The following CNTN6 variants were observed in gnomAD, a reference collection of about 807,000 sequenced individuals.
CNTN6 encodes the protein contactin 6.
In CNTN6, 137 loss-of-function variants were observed where a neutral mutation model predicts 122.8. The observed-to-expected ratio is 1.12, with a 90% CI of 0.97 to 1.29. CNTN6 has a LOEUF of 1.29. CNTN6 is among the 50% of genes most tolerant of loss of function. The pLI, the probability that CNTN6 is intolerant of heterozygous loss-of-function variation, is 0.00. For synonymous variants in CNTN6, 570 were observed against 426.0 expected (o/e 1.34, Z -4.16); for missense variants, 1,634 against 1,223.4 (o/e 1.34, Z -5.01).
intron 2 of CNTN6, among the ~76,000 whole-genome samples, chr3:1,178,387 C>T (rs2093491209): frequency 6.6e-6 from 1 of 152,156 alleles, no homozygotes; most frequent in African/African-American, 2.4e-5. Flanking sequence ...AAGGTTTCTT[C>T]ATCACTGCTA....
At chr3:1,187,106 TTTG>T (rs975331040) in intron 2 of CNTN6, among the ~76,000 whole-genome samples, 17 of 152,240 alleles carry the variant, frequency 1.1e-4, no homozygotes, top group African/African-American at 2.9e-4. Flanking sequence ...GCGAAAAGCC[TTTG>T]TTGTTGTTGT....
chr3:1,325,802 C>A lies in CNTN6; in HGVS notation c.947-13C>A, dbSNP rs1559828975. 6.2e-7 allele frequency: 1 copy of A among 1,608,304 alleles called. No homozygotes were observed. Among genetic ancestry groups the A allele is most frequent in the South Asian group, 1.1e-5 (1 of 90,474 alleles). ...CCTTTTACCAAACAGTGGCACTTGC[C>A]TTTTTGAAACAGCTCCTCCAGAATG... On this transcript the variant is annotated splice_polypyrimidine_tract_variant and intron_variant, in intron 8 of 22. Coordinates refer to ENST00000446702, the MANE Select transcript of CNTN6 (RefSeq NM_001289080.2).
At chr3:1,182,711 T>C (rs940156470) in intron 2 of CNTN6, among the ~76,000 whole-genome samples, 3 of 152,108 alleles carry the variant, frequency 2.0e-5, no homozygotes, top group Admixed American at 1.3e-4. Flanking sequence ...AGAAAATTGA[T>C]GAAACATGCC....
At chr3:1,367,351 C>G (rs1167932458) in intron 12 of CNTN6, among the ~76,000 whole-genome samples, 1 of 151,736 alleles carries the variant, frequency 6.6e-6, no homozygotes, top group Non-Finnish European at 1.5e-5. Context: ...CTACTCTTTA[C>G]TATGCTACTC....
intron 1 of CNTN6, among the ~76,000 whole-genome samples, chr3:1,131,249 G>C (rs1159530687): frequency 6.6e-6 from 1 of 152,070 alleles, no homozygotes; most frequent in Non-Finnish European, 1.5e-5. Context: ...TAAGTAGGGT[G>C]TTAATTATCC....
chr3:1,242,538 G>A (rs1257800549), intron 4 of CNTN6, among the ~76,000 whole-genome samples: 1 of 152,218 alleles, frequency 6.6e-6, no homozygotes, highest in Non-Finnish European at 1.5e-5. Context: ...AAAGCGTGCT[G>A]TGGGATGGGA....
chr3:1,174,359 G>C (rs115963847), intron 2 of CNTN6, among the ~76,000 whole-genome samples: 5 of 152,132 alleles, frequency 3.3e-5, no homozygotes, highest in Non-Finnish European at 1.5e-5. Context: ...GAGAGGTCAC[G>C]TTAAGAGTTA....
intron 2 of CNTN6, among the ~76,000 whole-genome samples, chr3:1,183,840 G>C (rs1288699285): frequency 6.6e-6 from 1 of 152,146 alleles, no homozygotes; most frequent in Middle Eastern, 3.2e-3. Context: ...TCATCCGAAA[G>C]CTACAACCAA....
intron 1 of CNTN6, among the ~76,000 whole-genome samples, chr3:1,105,824 G>A (rs1346100029): frequency 6.6e-6 from 1 of 152,118 alleles, no homozygotes; most frequent in Non-Finnish European, 1.5e-5. Flanking sequence ...CTTAATGAAT[G>A]TAGATTCTAA....
intron 4 of CNTN6, among the ~76,000 whole-genome samples, chr3:1,266,047 G>T (rs1458986740): frequency 1.3e-5 from 2 of 150,780 alleles, no homozygotes; most frequent in Admixed American, 1.3e-4. Flanking sequence ...ACACCTAAGT[G>T]CGTCACCCAT....
intron 17 of CNTN6, among the ~76,000 whole-genome samples, chr3:1,382,739 T>TTAAC (rs1447718573): frequency 2.6e-5 from 4 of 152,192 alleles, no homozygotes; most frequent in African/African-American, 9.6e-5. Context: ...ATCTGAAAAC[T>TTAAC]TAAACTATTT....
At chr3:1,242,982 C>T (rs1168168108) in intron 4 of CNTN6, among the ~76,000 whole-genome samples, 5 of 152,076 alleles carry the variant, frequency 3.3e-5, no homozygotes, top group African/African-American at 9.7e-5. Context: ...AAGAAGGGGA[C>T]GGACTTACCT....
In CNTN6 at chr3:1,383,284, G is replaced by A. The variant is rs376229095; in HGVS notation, c.2402-9G>A. On this transcript the variant is annotated splice_polypyrimidine_tract_variant and intron_variant, in intron 18 of 22. Coordinates refer to ENST00000446702, the MANE Select transcript of CNTN6 (RefSeq NM_001289080.2). ...GCTAAAGATGGTTATGTCTTTCTCT[G>A]GATGGTAGAACCTCAACTGGCCCCA... The A allele has an allele frequency of 1.5e-5, 24 of 1,610,778 alleles. No homozygotes were observed. Among genetic ancestry groups the A allele is most frequent in the African/African-American group, 2.7e-5 (2 of 74,956 alleles).
chr3:1,129,769 G>A (rs1283870814), intron 1 of CNTN6, among the ~76,000 whole-genome samples: 2 of 152,000 alleles, frequency 1.3e-5, no homozygotes, highest in Non-Finnish European at 2.9e-5. Context: ...AAATGTATGT[G>A]ACTTCTACAT....
intron 12 of CNTN6, among the ~76,000 whole-genome samples, chr3:1,356,067 A>T (rs1030757622): frequency 2.6e-5 from 4 of 151,816 alleles, no homozygotes; most frequent in African/African-American, 9.7e-5. Context: ...AGGAATCAAG[A>T]GGAAAGAGAG....
intron 19 of CNTN6, among the ~76,000 whole-genome samples, chr3:1,384,786 T>TACACACACACAC (rs1559990329): frequency 1.5e-4 from 21 of 141,370 alleles, no homozygotes; most frequent in African/African-American, 5.6e-4. Flanking sequence ...TATATATATA[T>TACACACACACAC]ATATATATAT....
At chr3:1,347,381 T>G (rs1274611504) in intron 11 of CNTN6, among the ~76,000 whole-genome samples, 2 of 152,158 alleles carry the variant, frequency 1.3e-5, no homozygotes, top group African/African-American at 4.8e-5. Flanking sequence ...TGTGAACAGT[T>G]AAAATATTCT....
intron 4 of CNTN6, among the ~76,000 whole-genome samples, chr3:1,259,574 A>C (rs1377189230): frequency 6.6e-6 from 1 of 152,076 alleles, no homozygotes; most frequent in African/African-American, 2.4e-5. Context: ...AACACAAAGG[A>C]CTAAATACAA....
chr3:1,284,040 C>T (rs547383170), intron 5 of CNTN6, among the ~76,000 whole-genome samples: 30 of 152,116 alleles, frequency 2.0e-4, no homozygotes, highest in African/African-American at 6.3e-4. Context: ...AAACTAAGTC[C>T]CGAGCTCATA....
Sources: allele counts gnomAD v4.1 joint callset (sites outside exome capture counted in the v4.1 genomes callset), GRCh38; gene constraint gnomAD v4.1.1; transcripts MANE v1.5; gene names NCBI Gene and HGNC (gene_info 2026-07-23, HGNC 2026-07-21).